SERPINI1: variants seen among roughly 807,000 people sequenced by gnomAD.
SERPINI1 encodes the protein neuroserpin.
In SERPINI1, 19 loss-of-function variants were observed where a neutral mutation model predicts 41.1. The ratio of observed to expected loss-of-function variants is 0.46; its 90% CI spans 0.32 to 0.68. The LOEUF is 0.68. SERPINI1 is among the 30% of genes least tolerant of loss of function. The pLI is 0.03. For synonymous variants in SERPINI1, 138 were observed against 156.6 expected (o/e 0.88, Z 0.89); for missense variants, 460 against 479.2 (o/e 0.96, Z 0.37).
At chr3:167,773,179 C>G (rs1207688939) in intron 1 of SERPINI1, among the ~76,000 whole-genome samples, 1 of 151,802 alleles carries the variant, frequency 6.6e-6, no homozygotes, top group Non-Finnish European at 1.5e-5. Flanking sequence ...GCAGTGAATG[C>G]TATTGCTCAC....
At chr3:167,781,197 T>A (rs937693870) in intron 1 of SERPINI1, among the ~76,000 whole-genome samples, 1 of 152,136 alleles carries the variant, frequency 6.6e-6, no homozygotes, top group Non-Finnish European at 1.5e-5. Flanking sequence ...CCGGAAACTT[T>A]CACTTATTCC....
At chr3:167,772,927 T>TATATAC (rs1207022157) in intron 1 of SERPINI1, among the ~76,000 whole-genome samples, 1 of 125,300 alleles carries the variant, frequency 8.0e-6, no homozygotes, top group South Asian at 2.6e-4. Context: ...CACACATGCA[T>TATATAC]ATATACATAT....
chr3:167,792,532 TC>T (rs989770824), intron 3 of SERPINI1, 57 bp from the exon 4 acceptor site: 2 of 1,422,936 alleles, frequency 1.4e-6, no homozygotes, highest in Non-Finnish European at 2.0e-6. Context: ...AATCTTCTGG[TC>T]CCCCTTGATC....
At chr3:167,810,069 A>G (rs1459524642) in intron 6 of SERPINI1, among the ~76,000 whole-genome samples, 1 of 152,134 alleles carries the variant, frequency 6.6e-6, no homozygotes, top group East Asian at 1.9e-4. Context: ...GCACACACAC[A>G]TTAATTTATG....
At chr3:167,780,778 A>G (rs910720196) in intron 1 of SERPINI1, among the ~76,000 whole-genome samples, 1 of 152,174 alleles carries the variant, frequency 6.6e-6, no homozygotes, top group African/African-American at 2.4e-5. Flanking sequence ...TTCTGCCATC[A>G]CAGTACAGTC....
chr3:167,795,749 C>T (rs1727689866), intron 5 of SERPINI1, among the ~76,000 whole-genome samples: 1 of 152,054 alleles, frequency 6.6e-6, no homozygotes, highest in Non-Finnish European at 1.5e-5. Context: ...AGGGTAGAGC[C>T]AGTTTTCCTT....
chr3:167,782,506 T>C (rs1426796542), intron 1 of SERPINI1, among the ~76,000 whole-genome samples: 1 of 152,220 alleles, frequency 6.6e-6, no homozygotes, highest in Non-Finnish European at 1.5e-5. Flanking sequence ...ACTATATTAA[T>C]TTAATAAATA....
At chr3:167,824,611 C>A (rs1712454331) in intron 8 of SERPINI1, 49 bp downstream of exon 8, 1 of 1,226,370 alleles carries the variant, frequency 8.2e-7, no homozygotes, top group Non-Finnish European at 1.2e-6. Context: ...CACAAAGAAC[C>A]TCTTTTTTAA....
intron 1 of SERPINI1, among the ~76,000 whole-genome samples, chr3:167,745,575 T>G (rs1205939102): frequency 6.6e-6 from 1 of 151,896 alleles, no homozygotes; most frequent in African/African-American, 2.4e-5. Context: ...CCAGGGAAAT[T>G]AGGCAAGAAA....
intron 1 of SERPINI1, among the ~76,000 whole-genome samples, chr3:167,768,443 T>G (rs951194571): frequency 2.6e-5 from 4 of 152,238 alleles, no homozygotes; most frequent in Non-Finnish European, 5.9e-5. Context: ...AACTTTATTG[T>G]GGCGACCTGG....
chr3:167,739,477 T>A lies in SERPINI1; in HGVS notation c.-19+3654T>A, dbSNP rs553166500. ...TGAGCACAATTGGATTCACACTGTG[T>A]GCGCTGCAAATACATTACAGATTTG... On this transcript the variant is annotated intron_variant, in intron 1 of 8. Transcript: ENST00000446050. 2.0e-5 allele frequency among the ~76,000 whole-genome samples: 3 copies of A among 152,312 alleles called. 1 individual carries two copies. The highest frequency in any genetic ancestry group is 7.2e-5 in the African/African-American group (3 of 41,570).
At position 167,794,653 on chromosome 3, in the gene SERPINI1, G is replaced by C. The variant is rs1282641029; in HGVS notation, c.710G>C (p.Gly237Ala). ...AGTGATGGCTCCAATGAAGCTGGTG[G>C]TATCTACCAAGTCCTAGAAATACCA... ...EFSDGSNEAGGIYQVLEIPYE... is the reference protein window; with the variant it reads ...EFSDGSNEAGAIYQVLEIPYE... Residue 237 changes from glycine to alanine, a missense_variant, in exon 5 of 9, where the codon GGT becomes GCT. By Grantham distance (60) the Gly-to-Ala change is moderately conservative. Transcript: ENST00000446050. 6.2e-7 allele frequency: 1 copy of C among 1,613,518 alleles called. No homozygotes were observed. The highest frequency in any genetic ancestry group is 2.2e-5 in the East Asian group (1 of 44,870).
intron 1 of SERPINI1, among the ~76,000 whole-genome samples, chr3:167,785,525 C>T (rs1727276378): frequency 6.6e-6 from 1 of 152,190 alleles, no homozygotes; most frequent in Non-Finnish European, 1.5e-5. Flanking sequence ...GGCTCTAGCA[C>T]TTCCTGTGTG....
At chr3:167,790,723 C>T in intron 3 of SERPINI1, 121 bp downstream of exon 3, 1 of 731,366 alleles carries the variant, frequency 1.4e-6, no homozygotes, top group South Asian at 1.6e-5. Flanking sequence ...AGTTGGGTAT[C>T]TAATAATTAT....
chr3:167,811,622 C>T (rs534978989), intron 6 of SERPINI1, among the ~76,000 whole-genome samples: 1 of 152,144 alleles, frequency 6.6e-6, no homozygotes, highest in Admixed American at 6.5e-5. Context: ...GAGGAGTTTT[C>T]ATTTCATATA....
chr3:167,774,390 C>A (rs1447818635), intron 1 of SERPINI1, among the ~76,000 whole-genome samples: 3 of 152,092 alleles, frequency 2.0e-5, no homozygotes, highest in Admixed American at 2.0e-4. Flanking sequence ...TGGTTATTGG[C>A]CAAGATAAAA....
chr3:167,789,205 T>C lies in SERPINI1; in HGVS notation c.77T>C (p.Ile26Thr), dbSNP rs146948408. The change falls in exon 2 of 9, where the codon ATT becomes ACT. Residue 26 changes from isoleucine to threonine, a missense_variant. Coordinates refer to ENST00000446050, the MANE Select transcript of SERPINI1 (RefSeq NM_001122752.2). The part of the protein sequence containing the change: ...ATGATFPEEA[I>T]ADLSVNMYNR... The stretch of plus-strand genomic sequence containing the variant: ...GGGGCCACTTTCCCTGAGGAAGCCA[T>C]TGCTGACTTGTCAGTGAATATGTAT... The C allele has an allele frequency of 1.1e-3, 1,835 of 1,614,208 alleles. 20 individuals carry two copies. In the Admixed American group the frequency reaches 0.016, roughly 14 times the overall value.
At chr3:167,790,286 C>A in intron 2 of SERPINI1, 86 bp from the exon 3 acceptor site, 2 of 1,007,924 alleles carry the variant, frequency 2.0e-6, no homozygotes, top group Non-Finnish European at 3.1e-6. Context: ...GTTAATCTCC[C>A]TTGCTGTGCT....
intron 1 of SERPINI1, among the ~76,000 whole-genome samples, chr3:167,771,763 T>C (rs1212983470): frequency 6.6e-6 from 1 of 152,254 alleles, no homozygotes; most frequent in African/African-American, 2.4e-5. Context: ...CATCCACACT[T>C]AAGGAGTACC....
Sources: gnomAD v4.1 joint callset for allele counts (sites outside exome capture counted in the v4.1 genomes callset) on GRCh38, gnomAD v4.1.1 for gene constraint, MANE v1.5 for transcripts, NCBI Gene and HGNC (gene_info 2026-07-23, HGNC 2026-07-21) for gene names.